CALY: variants seen among roughly 807,000 people sequenced by gnomAD.
The protein encoded by CALY is neuron-specific vesicular protein calcyon.
A neutral mutation model predicts 20.2 loss-of-function variants in CALY; 15 were observed. That is an observed-to-expected ratio of 0.74 (90% CI 0.50 to 1.14). The LOEUF (loss-of-function observed/expected upper bound fraction) is 1.14, where lower values mean the gene tolerates loss of function less well. Ranked by LOEUF, CALY falls within the 50% of genes most tolerant of loss-of-function variation. The probability of loss-of-function intolerance (pLI) is 0.00; values close to 1 mark genes in which losing one functional copy is unlikely to be tolerated. For synonymous variants in CALY, 129 were observed against 131.8 expected, an observed-to-expected ratio of 0.98 and a Z score of 0.15; for missense variants, 270 against 304.4, an observed-to-expected ratio of 0.89 and a Z score of 0.84.
chr10:133,327,444 C>T, intron 3 of CALY: 1 of 527,974 alleles, frequency 1.9e-6, no homozygotes, highest in Non-Finnish European at 3.3e-6. Context: ...CCTAGCAGAT[C>T]TGTCTACTGG....
rs1848169443 is a variant in CALY, at chr10:133,324,421, T to C, written c.*1174A>G. On this transcript the variant is annotated 3_prime_UTR_variant, in exon 6 of 6. Coordinates refer to ENST00000252939, the MANE Select transcript of CALY (RefSeq NM_015722.4). ...TAGACCCGCACCTAGCCAGCAAGCCTGGGAGCCAATGGTGGGGGGCTTCCA... is the reference window on the plus strand; with the variant it reads ...TAGACCCGCACCTAGCCAGCAAGCCCGGGAGCCAATGGTGGGGGGCTTCCA... 4 of 421,406 alleles carry C rather than the reference T, an allele frequency of 9.5e-6. No homozygotes were observed. The highest frequency in any genetic ancestry group is 1.9e-5 in the Non-Finnish European group (4 of 213,488). The allele number at this position is 421,406 out of a possible 1,614,324, so 26.1% of individuals were successfully genotyped here. A position where few individuals can be genotyped will look rare whatever the true frequency, so the allele number is the denominator to read the frequency against.
intron 1 of CALY, among the ~76,000 whole-genome samples, chr10:133,333,489 G>A (rs1489464069): frequency 6.7e-6 from 1 of 149,348 alleles, no homozygotes; most frequent in African/African-American, 2.5e-5. Context: ...GCGGGGGGAA[G>A]GATCCGACGC....
intron 1 of CALY, among the ~76,000 whole-genome samples, chr10:133,335,876 G>C (rs768018475): frequency 6.8e-4 from 103 of 152,322 alleles, no homozygotes; most frequent in Admixed American, 1.9e-3. Flanking sequence ...GCAGATGGGT[G>C]GGGGCGCGGG....
In CALY at chr10:133,325,779, GC is replaced by G; in HGVS notation, c.*28+19del. 1 of 1,086,788 alleles carries G rather than the reference GC, an allele frequency of 9.2e-7. No homozygotes were observed. The allele number at this position is 1,086,788 out of a possible 1,614,324, so 67.3% of individuals were successfully genotyped here. A position where few individuals can be genotyped will look rare whatever the true frequency, so the allele number is the denominator to read the frequency against. ...AGAGACCTGGGCAGAGCCGGCCGGA[GC>G]CCCGCGGCGCGCACCTACCCCGGGC... On this transcript the variant is annotated intron_variant, in intron 5 of 5. Coordinates refer to ENST00000252939, the MANE Select transcript of CALY (RefSeq NM_015722.4).
chr10:133,333,297 G>T (rs1391562676), intron 1 of CALY, among the ~76,000 whole-genome samples: 2 of 103,572 alleles, frequency 1.9e-5, no homozygotes, highest in East Asian at 3.9e-4. Context: ...GGGGGTGGGG[G>T]GGGGGGAAGG....
intron 1 of CALY, among the ~76,000 whole-genome samples, chr10:133,335,931 G>T (rs1848433595): frequency 6.6e-6 from 1 of 152,220 alleles, no homozygotes; most frequent in South Asian, 2.1e-4. Flanking sequence ...GGGGGCGGGG[G>T]TGCAGGCTCT....
At chr10:133,326,588 A>G (rs1398772774) in intron 4 of CALY, among the ~76,000 whole-genome samples, 1 of 152,156 alleles carries the variant, frequency 6.6e-6, no homozygotes, top group Non-Finnish European at 1.5e-5. Context: ...AAAACCTCAC[A>G]CAAGTCACTC....
In CALY at chr10:133,324,461, G is replaced by C. The variant is rs1481384302; in HGVS notation, c.*1134C>G. 2.2e-6 allele frequency: 1 copy of C among 452,184 alleles called. No homozygotes were observed. Among genetic ancestry groups the C allele is most frequent in the East Asian group, 7.0e-5 (1 of 14,310 alleles). 28.0% of individuals were successfully genotyped at this position (452,184 alleles called of 1,614,324 possible). ...GGGGGCTTCCATCCACCAATGGTCG[G>C]GGGCTGGGGTGGGCGGGGCTGCAGA... On this transcript the variant is annotated 3_prime_UTR_variant, in exon 6 of 6. Transcript: ENST00000252939.
At chr10:133,333,500 A>T in intron 1 of CALY, among the ~76,000 whole-genome samples, 1 of 54,036 alleles carries the variant, frequency 1.9e-5, no homozygotes, top group Non-Finnish European at 3.7e-5. Context: ...GATCCGACGC[A>T]GGGGGAGGGA....
chr10:133,324,915 C>CG lies in CALY; in HGVS notation c.*679_*680insC. ...GAACCAGAGCTCACCCCTCATCAGG[C>CG]CCCACTCCCCACTCAGACGCCCCCA... is the stretch of plus-strand genomic sequence containing the variant. On this transcript the variant is annotated 3_prime_UTR_variant, in exon 6 of 6. Transcript: ENST00000252939. 5 of 231,470 alleles carry CG rather than the reference C, an allele frequency of 2.2e-5. No individual in the cohort carries two copies. Among genetic ancestry groups the CG allele is most frequent in the South Asian group, 1.4e-4 (3 of 21,376 alleles). 14.3% of individuals were successfully genotyped at this position (231,470 alleles called of 1,614,324 possible).
intron 1 of CALY, among the ~76,000 whole-genome samples, chr10:133,336,372 C>A (rs1470090371): frequency 1.3e-5 from 2 of 151,988 alleles, no homozygotes; most frequent in Admixed American, 6.5e-5. Flanking sequence ...CCGCCCACCC[C>A]CAACCCCCGT....
intron 1 of CALY, among the ~76,000 whole-genome samples, chr10:133,331,611 C>A (rs1848310203): frequency 6.6e-6 from 1 of 152,124 alleles, no homozygotes; most frequent in African/African-American, 2.4e-5. Context: ...ATCCAGGAAA[C>A]ACTGTCGACA....
chr10:133,328,338 C>T (rs138815080), intron 2 of CALY, among the ~76,000 whole-genome samples: 2,795 of 152,254 alleles, frequency 0.018, 35 homozygotes, highest in Non-Finnish European at 0.03. Flanking sequence ...TCCTCCTGCC[C>T]CGGGTCCCCA....
chr10:133,330,812 C>T, intron 1 of CALY, among the ~76,000 whole-genome samples: 1 of 151,572 alleles, frequency 6.6e-6, no homozygotes, highest in East Asian at 1.9e-4. Flanking sequence ...CACTCACCAG[C>T]TCCTGAGGCC....
rs750963559 is a variant in CALY at position 133,324,450 on chromosome 10, A to T, written c.*1145T>A. ...AGCCAATGGTGGGGGGCTTCCATCC[A>T]CCAATGGTCGGGGGCTGGGGTGGGC... On this transcript the variant is annotated 3_prime_UTR_variant, in exon 6 of 6. Coordinates refer to ENST00000252939, the MANE Select transcript of CALY (RefSeq NM_015722.4). The T allele has an allele frequency of 1.1e-5, 4 of 360,664 alleles. No homozygotes were observed. The highest frequency in any genetic ancestry group is 7.4e-5 in the South Asian group (4 of 54,138). The allele number at this position is 360,664 out of a possible 1,614,324, so 22.3% of individuals were successfully genotyped here.
chr10:133,331,673 G>A (rs1848311432), intron 1 of CALY, among the ~76,000 whole-genome samples: 1 of 152,240 alleles, frequency 6.6e-6, no homozygotes, highest in African/African-American at 2.4e-5. Flanking sequence ...CTGTGGCTAT[G>A]GATTTTGGGA....
At position 133,328,961 on chromosome 10, in the gene CALY, C is replaced by G. The variant is rs139948953; in HGVS notation, c.29G>C (p.Gly10Ala). The change falls in exon 2 of 6, where the codon GGG becomes GCG. Residue 10 changes from glycine (G) to alanine (A), a missense_variant. By Grantham distance (60) the Gly-to-Ala change is moderately conservative. Transcript: ENST00000252939. ...GTCCCCAGGGTCTTTACCTGGCTTC[C>G]CAGAGAAGCTGCAGCCCAGCTTCAC... is the stretch of plus-strand genomic sequence containing the variant. MVKLGCSFS[G>A]KPGKDPGDQD... is the part of the protein sequence containing the mutation. 4.5e-6 allele frequency: 7 copies of G among 1,565,458 alleles called. No homozygotes were observed. Among genetic ancestry groups the G allele is most frequent in the Non-Finnish European group, 6.1e-6 (7 of 1,153,918 alleles).
At chr10:133,330,453 C>G (rs1311606420) in intron 1 of CALY, among the ~76,000 whole-genome samples, 14 of 148,780 alleles carry the variant, frequency 9.4e-5, no homozygotes, top group Middle Eastern at 3.5e-3. Flanking sequence ...GTCAGGAGAT[C>G]GAGACCATTC....
chr10:133,324,279 A>AC lies in CALY; in HGVS notation c.*1315dup, dbSNP rs1227221466. 3 of 452,252 alleles carry AC rather than the reference A, an allele frequency of 6.6e-6. No individual in the cohort carries two copies. Among genetic ancestry groups the AC allele is most frequent in the South Asian group, 4.7e-5 (3 of 64,222 alleles). 28.0% of individuals were successfully genotyped at this position (452,252 alleles called of 1,614,324 possible). ...GGTGTGCATGGCCCTGCCTTCCCTG[A>AC]CCCCACCTGGCTGGCTTCCAGCTCA... On this transcript the variant is annotated 3_prime_UTR_variant, in exon 6 of 6. Transcript: ENST00000252939.
Sources: allele counts gnomAD v4.1 joint callset (sites outside exome capture counted in the v4.1 genomes callset), GRCh38; gene constraint gnomAD v4.1.1; transcripts MANE v1.5; gene names NCBI Gene and HGNC (gene_info 2026-07-23, HGNC 2026-07-21).